The following BRAF variants were observed in gnomAD, a reference collection of about 807,000 sequenced individuals.
BRAF encodes serine/threonine-protein kinase B-raf.
BRAF carries 16 observed loss-of-function variants against 104.6 expected under a neutral mutation model. That is an observed-to-expected ratio of 0.15 (90% CI 0.10 to 0.23). The LOEUF (loss-of-function observed/expected upper bound fraction) is 0.23. Among genes scored for constraint, BRAF ranks in the 10% least tolerant of loss-of-function variants. The probability of loss-of-function intolerance (pLI) is 1.00; values close to 1 mark genes in which losing one functional copy is unlikely to be tolerated. For synonymous variants in BRAF, 310 were observed against 341.6 expected, an observed-to-expected ratio of 0.91 and a Z score of 1.02; for missense variants, 541 against 937.3, an observed-to-expected ratio of 0.58 and a Z score of 5.52.
chr7:140,772,958 G>T (rs1180857643), intron 14 of BRAF, among the ~76,000 whole-genome samples: 1 of 152,020 alleles, frequency 6.6e-6, no homozygotes. Flanking sequence ...TAATTGCAAA[G>T]GACATAATTT....
chr7:140,786,878 G>T (rs1251912568), intron 9 of BRAF, among the ~76,000 whole-genome samples: 3 of 152,140 alleles, frequency 2.0e-5, no homozygotes, highest in Non-Finnish European at 4.4e-5. Context: ...TTAATAAAGC[G>T]GGTATAAAAA....
intron 1 of BRAF, among the ~76,000 whole-genome samples, chr7:140,922,427 G>A (rs774130768): frequency 3.3e-5 from 5 of 152,138 alleles, no homozygotes; most frequent in Non-Finnish European, 5.9e-5. Flanking sequence ...AAATAAAATA[G>A]AAGGGTAGAG....
chr7:140,894,752 A>G (rs967371795), intron 1 of BRAF, among the ~76,000 whole-genome samples: 3 of 152,140 alleles, frequency 2.0e-5, no homozygotes, highest in Non-Finnish European at 4.4e-5. Context: ...CCTTATCAAC[A>G]AAATATAAAT....
intron 1 of BRAF, among the ~76,000 whole-genome samples, chr7:140,895,359 A>T (rs1447300235): frequency 6.6e-6 from 1 of 152,226 alleles, no homozygotes; most frequent in Non-Finnish European, 1.5e-5. Context: ...ATCTATAAAA[A>T]GTCTGTAAGT....
At chr7:140,841,577 T>C (rs560927045) in intron 2 of BRAF, among the ~76,000 whole-genome samples, 2 of 152,296 alleles carry the variant, frequency 1.3e-5, no homozygotes, top group East Asian at 1.9e-4. Flanking sequence ...GAAGTACTGA[T>C]ACATACTACT....
chr7:140,800,862 C>G (rs575792880), intron 6 of BRAF, among the ~76,000 whole-genome samples: 14 of 152,146 alleles, frequency 9.2e-5, no homozygotes, highest in African/African-American at 3.4e-4. Flanking sequence ...ACAGCAGCAG[C>G]ACCAATGACA....
Position 140,764,888 on chromosome 7 carries a change from G to A in BRAF, c.1815-10655C>T, listed in dbSNP as rs536823710. Among the ~76,000 whole-genome samples, 3 of 152,310 alleles carry A rather than the reference G, an allele frequency of 2.0e-5. No homozygotes were observed. The East Asian group carries it at 5.8e-4, about 29-fold the overall frequency. Reference sequence around the variant, plus strand: ...GCCATATTGCCCAAGGTAATTTACAGATTCAATGCCATCCCCATCAAGCTA... The same window carrying A: ...GCCATATTGCCCAAGGTAATTTACAAATTCAATGCCATCCCCATCAAGCTA... On this transcript the variant is annotated intron_variant, in intron 14 of 19. Coordinates refer to ENST00000644969, the MANE Select transcript of BRAF (RefSeq NM_001374258.1).
chr7:140,893,663 T>C (rs1213286042), intron 1 of BRAF, among the ~76,000 whole-genome samples: 3 of 151,814 alleles, frequency 2.0e-5, no homozygotes, highest in African/African-American at 7.3e-5. Flanking sequence ...GGAGAAACGT[T>C]AACAACCCCA....
chr7:140,860,390 G>GA (rs755954915), intron 1 of BRAF, among the ~76,000 whole-genome samples: 10 of 136,910 alleles, frequency 7.3e-5, no homozygotes, highest in Admixed American at 4.7e-4. Flanking sequence ...GAAATGCAAT[G>GA]AAAAACCAGG....
Position 140,720,354 on chromosome 7 carries a change from A to G in BRAF, c.*6140T>C, listed in dbSNP as rs2130816251. 9.4e-7 allele frequency: 1 copy of G among 1,062,560 alleles called. No individual in the cohort carries two copies. The highest frequency in any genetic ancestry group is 1.1e-6 in the Non-Finnish European group (1 of 877,564). 65.8% of individuals were successfully genotyped at this position (1,062,560 alleles called of 1,614,324 possible). ...CATGGATGCATTTTAAAATGAAGGCAGGAGAAGGGGACAGCACAGAGACAT... is the reference window on the plus strand; with the variant it reads ...CATGGATGCATTTTAAAATGAAGGCGGGAGAAGGGGACAGCACAGAGACAT... On this transcript the variant is annotated 3_prime_UTR_variant, in exon 20 of 20. Transcript: ENST00000644969.
chr7:140,730,389 A>G (rs1200562562), intron 19 of BRAF, among the ~76,000 whole-genome samples: 2 of 151,866 alleles, frequency 1.3e-5, no homozygotes, highest in Admixed American at 6.6e-5. Flanking sequence ...TCTTTTTTTG[A>G]AAGAGTCTTG....
At chr7:140,738,360 G>A (rs1019867714) in intron 18 of BRAF, among the ~76,000 whole-genome samples, 1 of 152,120 alleles carries the variant, frequency 6.6e-6, no homozygotes, top group Non-Finnish European at 1.5e-5. Flanking sequence ...TCTAATTCCT[G>A]TAACATTGAC....
At chr7:140,835,264 A>C (rs71645945) in intron 2 of BRAF, 1 of 194,996 alleles carries the variant, frequency 5.1e-6, no homozygotes, top group Non-Finnish European at 1.1e-5. Context: ...TTGTCCCGGA[A>C]AAGTTGTAGG....
intron 1 of BRAF, among the ~76,000 whole-genome samples, chr7:140,870,507 C>T (rs926891270): frequency 3.9e-5 from 6 of 152,064 alleles, no homozygotes; most frequent in African/African-American, 1.4e-4. Flanking sequence ...CAGTAAAATG[C>T]CCTATCTGCA....
In BRAF at chr7:140,836,158, G is replaced by C. The variant is rs370095655; in HGVS notation, c.241-1286C>G. 22 of 152,248 alleles carry C rather than the reference G, an allele frequency of 1.4e-4. 1 individual carries two copies. Among genetic ancestry groups the C allele is most frequent in the East Asian group, 1.3e-3 (7 of 5,192 alleles). 9.4% of individuals were successfully genotyped at this position (152,248 alleles called of 1,614,324 possible). ...AGTTTAAGACACATGAAAAACTATA[G>C]ATAGGTATAGCTCAATGTCATACAA... On this transcript the variant is annotated intron_variant, in intron 2 of 19. Coordinates refer to ENST00000644969, the MANE Select transcript of BRAF (RefSeq NM_001374258.1).
At chr7:140,737,958 T>C (rs1456199179) in intron 18 of BRAF, among the ~76,000 whole-genome samples, 1 of 152,138 alleles carries the variant, frequency 6.6e-6, no homozygotes, top group Non-Finnish European at 1.5e-5. Context: ...ATTTAAAAAG[T>C]GGGCCTAAGG....
Position 140,765,528 on chromosome 7 carries a change from G to A in BRAF, c.1815-11295C>T, listed in dbSNP as rs1799221905. On this transcript the variant is annotated intron_variant, in intron 14 of 19. Coordinates refer to ENST00000644969, the MANE Select transcript of BRAF (RefSeq NM_001374258.1). ...TGAACAGGCAACCTACAAAATGGGAGAAAATTTTCGCAACCTACTCATCTG... is the reference window on the plus strand; with the variant it reads ...TGAACAGGCAACCTACAAAATGGGAAAAAATTTTCGCAACCTACTCATCTG... 2.6e-5 allele frequency among the ~76,000 whole-genome samples: 4 copies of A among 151,942 alleles called. No individual in the cohort carries two copies. In the South Asian group the frequency reaches 8.4e-4, roughly 32 times the overall value.
intron 1 of BRAF, among the ~76,000 whole-genome samples, chr7:140,877,178 T>C (rs1812355091): frequency 1.3e-5 from 2 of 151,928 alleles, no homozygotes; most frequent in African/African-American, 4.8e-5. Flanking sequence ...AGTTCAATAT[T>C]CAACTGAATG....
chr7:140,901,878 C>T (rs1563026639), intron 1 of BRAF, among the ~76,000 whole-genome samples: 1 of 152,182 alleles, frequency 6.6e-6, no homozygotes, highest in African/African-American at 2.4e-5. Context: ...CTACTTCTAC[C>T]ACTTAACTGT....
Sources: gnomAD v4.1 joint callset for allele counts (sites outside exome capture counted in the v4.1 genomes callset) on GRCh38, gnomAD v4.1.1 for gene constraint, MANE v1.5 for transcripts, NCBI Gene and HGNC (gene_info 2026-07-23, HGNC 2026-07-21) for gene names.